Variants in LRRC9 observed in about 807,000 individuals in gnomAD.
The protein encoded by LRRC9 is leucine-rich repeat-containing protein 9.
Under a neutral mutation model 63.2 loss-of-function variants are expected in LRRC9, and 122 were observed. The observed-to-expected ratio is 1.93, with a 90% CI of 1.67 to 2.24. The LOEUF (loss-of-function observed/expected upper bound fraction) is 2.24, where lower values mean the gene tolerates loss of function less well. Among genes scored for constraint, LRRC9 ranks in the 30% most tolerant of loss-of-function variants. The pLI is 0.00. For missense variants in LRRC9, 1,071 were observed against 627.7 expected (o/e 1.71, Z -7.55); for synonymous variants, 366 against 213.1 (o/e 1.72, Z -6.25).
intron 7 of LRRC9, among the ~76,000 whole-genome samples, chr14:59,939,017 A>ATG (rs1881427014): frequency 1.8e-5 from 2 of 112,190 alleles, no homozygotes; most frequent in African/African-American, 7.6e-5. Context: ...ATATACACAT[A>ATG]TATATATACA....
At chr14:59,952,186 G>T (rs1395619910) in intron 8 of LRRC9, among the ~76,000 whole-genome samples, 7 of 151,766 alleles carry the variant, frequency 4.6e-5, no homozygotes, top group Admixed American at 3.3e-4. Flanking sequence ...AGCCAGGTGT[G>T]GGATATAGTC....
At chr14:60,023,549 T>G (rs540486129) in intron 27 of LRRC9, among the ~76,000 whole-genome samples, 1 of 152,090 alleles carries the variant, frequency 6.6e-6, no homozygotes, top group African/African-American at 2.4e-5. Context: ...CTAAGAGTTA[T>G]AAATCCTCTA....
downstream of LRRC9, among the ~76,000 whole-genome samples, chr14:60,064,211 A>G (rs1165559700): frequency 6.6e-6 from 1 of 152,242 alleles, no homozygotes; most frequent in Non-Finnish European, 1.5e-5. Flanking sequence ...GCATAGTACT[A>G]GGACGTATCA....
intron 27 of LRRC9, among the ~76,000 whole-genome samples, chr14:60,024,911 A>G (rs1891408931): frequency 6.6e-6 from 1 of 151,816 alleles, no homozygotes; most frequent in Non-Finnish European, 1.5e-5. Context: ...AGGTAAGAAC[A>G]TGCAGTATTT....
At position 59,938,109 on chromosome 14, in the gene LRRC9, A is replaced by G. The variant is rs1294902820; in HGVS notation, c.544-281A>G. 1.3e-5 allele frequency among the ~76,000 whole-genome samples: 2 copies of G among 152,130 alleles called. No homozygotes were observed. The highest frequency in any genetic ancestry group is 6.6e-5 in the Admixed American group (1 of 15,264). ...AGGGGAAGCAACTTATTAATGAATA[A>G]ATGTGCTCACATCACTGGCTTCAAG... On this transcript the variant is annotated intron_variant, in intron 6 of 31. Coordinates refer to ENST00000445360, the Ensembl canonical transcript of LRRC9. The surrounding 1 kb of genome is among the most constrained non-coding windows in gnomAD (Gnocchi z 4.2).
chr14:60,037,521 A>G (rs942417245), intron 29 of LRRC9, among the ~76,000 whole-genome samples: 8 of 152,148 alleles, frequency 5.3e-5, no homozygotes, highest in Admixed American at 2.0e-4. Flanking sequence ...GGCCAGTGAT[A>G]ATGAGCATTT....
intron 13 of LRRC9, 89 bp downstream of exon 13, chr14:59,974,797 T>C (rs1030180137): frequency 1.7e-4 from 90 of 519,874 alleles, no homozygotes; most frequent in South Asian, 8.5e-4. Flanking sequence ...TACTTGGTTT[T>C]ATCAACCAAG....
chr14:59,999,521 G>T (rs1442530162), intron 19 of LRRC9, among the ~76,000 whole-genome samples: 2 of 151,976 alleles, frequency 1.3e-5, no homozygotes, highest in Non-Finnish European at 2.9e-5. Context: ...GAGCCTACAT[G>T]AAAATAAGCA....
At position 60,058,428 on chromosome 14, in the gene LRRC9, G is replaced by A. The variant is rs1023514823; in HGVS notation, c.4276+406G>A. ...AGATGTAAAAGCATAACAGAATCCCGGGGTACAAAGGATATTCTGCAGAGA... is the reference window on the plus strand; with the variant it reads ...AGATGTAAAAGCATAACAGAATCCCAGGGTACAAAGGATATTCTGCAGAGA... On this transcript the variant is annotated intron_variant, in intron 31 of 31. Coordinates refer to ENST00000445360, the Ensembl canonical transcript of LRRC9. This position sits in a 1 kb window ranked among gnomAD's most constrained non-coding sequence, Gnocchi z 4.4. Among the ~76,000 whole-genome samples, 1 of 152,070 alleles carries A rather than the reference G, an allele frequency of 6.6e-6. No homozygotes were observed. The highest frequency in any genetic ancestry group is 6.5e-5 in the Admixed American group (1 of 15,276).
chr14:59,929,902 C>T (rs1008434616), intron 3 of LRRC9, among the ~76,000 whole-genome samples: 4 of 151,834 alleles, frequency 2.6e-5, no homozygotes, highest in Admixed American at 6.6e-5. Context: ...TAGAGGGGAA[C>T]GACAGACTCT....
intron 5 of LRRC9, 31 bp from the exon 6 acceptor site, chr14:59,931,938 T>C (rs1284413443): frequency 2.9e-6 from 2 of 695,842 alleles, no homozygotes; most frequent in Admixed American, 4.1e-5. Flanking sequence ...GAAGGTAAAA[T>C]AATTGAATTC....
chr14:60,019,541 T>C (rs754850117), intron 26 of LRRC9, among the ~76,000 whole-genome samples: 1 of 151,954 alleles, frequency 6.6e-6, no homozygotes, highest in Non-Finnish European at 1.5e-5. Context: ...TTGTACTGCA[T>C]GTTTAATGAC....
chr14:59,952,953 C>T (rs948219143), intron 8 of LRRC9, among the ~76,000 whole-genome samples: 24 of 152,300 alleles, frequency 1.6e-4, no homozygotes, highest in Non-Finnish European at 2.6e-4. Context: ...GTGATGGCTT[C>T]CAGCTTCATC....
chr14:60,049,308 T>C (rs1243746125), intron 29 of LRRC9, among the ~76,000 whole-genome samples: 1 of 152,216 alleles, frequency 6.6e-6, no homozygotes, highest in Non-Finnish European at 1.5e-5. Flanking sequence ...TGATGCTGGC[T>C]GGTTATTTTG....
chr14:59,949,452 A>G (rs1882854650), intron 8 of LRRC9, among the ~76,000 whole-genome samples: 1 of 149,868 alleles, frequency 6.7e-6, no homozygotes, highest in South Asian at 2.1e-4. Context: ...ATCCTTTCAA[A>G]AAACCAGCTC....
intron 29 of LRRC9, among the ~76,000 whole-genome samples, chr14:60,034,438 C>A (rs891511541): frequency 6.6e-6 from 1 of 151,880 alleles, no homozygotes; most frequent in Non-Finnish European, 1.5e-5. Context: ...TTTTAAATGT[C>A]CAGTTTAGTG....
chr14:60,005,529 T>C (rs1889741823), intron 21 of LRRC9, among the ~76,000 whole-genome samples: 1 of 152,138 alleles, frequency 6.6e-6, no homozygotes, highest in Non-Finnish European at 1.5e-5. Flanking sequence ...GTAGGTTCCA[T>C]ATCCATTTAA....
intron 29 of LRRC9, among the ~76,000 whole-genome samples, chr14:60,035,574 CAGAACTATTTATTAACA>C (rs1892362368): frequency 6.6e-6 from 1 of 152,098 alleles, no homozygotes; most frequent in South Asian, 2.1e-4. Flanking sequence ...CCACTTTTCC[CAGAACTATTTATTAACA>C]AGGCTGTCAT....
chr14:59,946,163 T>A (rs1368492709), intron 8 of LRRC9, among the ~76,000 whole-genome samples: 1 of 151,428 alleles, frequency 6.6e-6, no homozygotes, highest in African/African-American at 2.4e-5. Flanking sequence ...AGAAGAGTTA[T>A]ATACTCAAGA....
Sources: gnomAD v4.1 joint callset for allele counts (sites outside exome capture counted in the v4.1 genomes callset) on GRCh38, gnomAD v4.1.1 for gene constraint, Gnocchi (gnomAD v3.1) non-coding constraint, MANE v1.5 for transcripts, NCBI Gene and HGNC (gene_info 2026-07-23, HGNC 2026-07-21) for gene names.